Variants in NAA15 observed in about 807,000 individuals in gnomAD.
The protein encoded by NAA15 is N-alpha-acetyltransferase 15, NatA auxiliary subunit.
Under a neutral mutation model 114.0 loss-of-function variants are expected in NAA15, and 34 were observed. The observed-to-expected ratio is 0.30, with a 90% CI of 0.23 to 0.40. NAA15 has a LOEUF of 0.40. NAA15 is among the 10% of genes least tolerant of loss of function. NAA15 has a pLI of 1.00. For synonymous variants in NAA15, 340 were observed against 338.0 expected, an observed-to-expected ratio of 1.01 and a Z score of -0.06; for missense variants, 658 against 1,004.5, an observed-to-expected ratio of 0.66 and a Z score of 4.66.
At chr4:139,347,380 C>G (rs1747620045) in intron 6 of NAA15, among the ~76,000 whole-genome samples, 1 of 152,034 alleles carries the variant, frequency 6.6e-6, no homozygotes, top group Non-Finnish European at 1.5e-5. Context: ...GTCTGTAATC[C>G]CAGCACTTTG....
chr4:139,386,928 T>C (rs1355102294), intron 19 of NAA15, among the ~76,000 whole-genome samples: 2 of 152,232 alleles, frequency 1.3e-5, no homozygotes, highest in Non-Finnish European at 2.9e-5. Flanking sequence ...GGGTGTATTG[T>C]AAAATACTGT....
At chr4:139,326,960 G>GTC (rs922799197) in intron 1 of NAA15, among the ~76,000 whole-genome samples, 8 of 151,968 alleles carry the variant, frequency 5.3e-5, no homozygotes, top group Non-Finnish European at 1.2e-4. Context: ...TTGAAACAGA[G>GTC]TCTCTCTGTG....
chr4:139,361,255 T>C (rs1748123818), intron 13 of NAA15, among the ~76,000 whole-genome samples: 1 of 152,166 alleles, frequency 6.6e-6, no homozygotes, highest in African/African-American at 2.4e-5. Context: ...ACTTGCTAAT[T>C]GATTTCTTTT....
At chr4:139,330,016 T>C (rs552758794) in intron 1 of NAA15, among the ~76,000 whole-genome samples, 1 of 152,316 alleles carries the variant, frequency 6.6e-6, no homozygotes, top group East Asian at 1.9e-4. Context: ...GCACCACCTG[T>C]TGAACCTGTT....
intron 6 of NAA15, among the ~76,000 whole-genome samples, chr4:139,345,896 G>C (rs763779776): frequency 6.6e-6 from 1 of 152,028 alleles, no homozygotes; most frequent in Non-Finnish European, 1.5e-5. Flanking sequence ...ACTCCAGGCT[G>C]GGCAACAGAG....
chr4:139,323,029 G>T (rs1326753993), intron 1 of NAA15, among the ~76,000 whole-genome samples: 1 of 150,248 alleles, frequency 6.7e-6, no homozygotes, highest in African/African-American at 2.5e-5. Context: ...GATTCCTGTG[G>T]CAGATTTCTT....
rs1372786674 is a variant in NAA15 at position 139,389,440 on chromosome 4, T to C, written c.*1356T>C. Reference sequence around the variant, plus strand: ...AAGGCTAGTGCAGATGGGAGCTTTTTAGAAGGGGCTAAGTGCTGGTGTCAG... The same window carrying C: ...AAGGCTAGTGCAGATGGGAGCTTTTCAGAAGGGGCTAAGTGCTGGTGTCAG... On this transcript the variant is annotated 3_prime_UTR_variant, in exon 20 of 20. Coordinates refer to ENST00000296543, the MANE Select transcript of NAA15 (RefSeq NM_057175.5). The C allele has an allele frequency of 6.6e-6, 1 of 152,596 alleles. No homozygotes were observed. Among genetic ancestry groups the C allele is most frequent in the Non-Finnish European group, 1.5e-5 (1 of 68,034 alleles). The allele number at this position is 152,596 out of a possible 1,614,324, so 9.5% of individuals were successfully genotyped here.
At chr4:139,324,667 C>G (rs1428264989) in intron 1 of NAA15, among the ~76,000 whole-genome samples, 4 of 152,200 alleles carry the variant, frequency 2.6e-5, no homozygotes, top group African/African-American at 9.7e-5. Flanking sequence ...CGCAGTGGCT[C>G]ACGCCTGTAA....
intron 3 of NAA15, among the ~76,000 whole-genome samples, chr4:139,339,602 A>G (rs991748360): frequency 6.6e-6 from 1 of 151,934 alleles, no homozygotes; most frequent in Admixed American, 6.6e-5. Flanking sequence ...TACAAAAATT[A>G]TAGCTGGGCG....
chr4:139,309,967 C>G (rs944362649), intron 1 of NAA15, among the ~76,000 whole-genome samples: 1 of 152,018 alleles, frequency 6.6e-6, no homozygotes, highest in African/African-American at 2.4e-5. Context: ...TATTGGAGCG[C>G]TGGTTAATGA....
chr4:139,308,804 C>T lies in NAA15; in HGVS notation c.54+6973C>T, dbSNP rs967176929. ...CTAAGTTTTATATTTTTAGTACAGA[C>T]AGGGTTTCGCCATGTTGGCGAGGCT... On this transcript the variant is annotated intron_variant, in intron 1 of 19. Transcript: ENST00000296543. Among the ~76,000 whole-genome samples the T allele has an allele frequency of 2.0e-5, 3 of 151,904 alleles. No individual in the cohort carries two copies. In the East Asian group the frequency reaches 5.9e-4, roughly 30 times the overall value.
intron 18 of NAA15, among the ~76,000 whole-genome samples, chr4:139,385,288 AT>A (rs1748874998): frequency 5.0e-5 from 5 of 100,466 alleles, no homozygotes; most frequent in African/African-American, 1.7e-4. Context: ...TATATAATAT[AT>A]ATATATATAT....
At chr4:139,363,015 C>T (rs1748177547) in intron 14 of NAA15, among the ~76,000 whole-genome samples, 1 of 152,084 alleles carries the variant, frequency 6.6e-6, no homozygotes, top group Non-Finnish European at 1.5e-5. Flanking sequence ...CTTCCTGTTG[C>T]CTAAGGACAG....
At position 139,361,869 on chromosome 4, in the gene NAA15, T is replaced by C; in HGVS notation, c.1685T>C (p.Ile562Thr). 1 of 1,613,818 alleles carries C rather than the reference T, an allele frequency of 6.2e-7. No individual in the cohort carries two copies. Among genetic ancestry groups the C allele is most frequent in the Non-Finnish European group, 8.5e-7 (1 of 1,179,832 alleles). The stretch of plus-strand genomic sequence containing the variant: ...TACTTCAAGGCAGCAAGAATTGCTA[T>C]AGAGATCTATTTGAAGCTTCATGAC... The part of the protein sequence containing the change: ...PFYFKAARIA[I>T]EIYLKLHDNP... Residue 562 changes from isoleucine to threonine, a missense_variant, in exon 14 of 20, where the codon ATA becomes ACA. Around this residue, in one of 6 missense-constraint regions of NAA15, gnomAD observed 275 missense variants for 371.1 expected, o/e 0.74. Transcript: ENST00000296543.
chr4:139,384,670 G>C (rs1448335259), intron 17 of NAA15, among the ~76,000 whole-genome samples, 162 bp from the exon 18 acceptor site: 6 of 151,262 alleles, frequency 4.0e-5, no homozygotes, highest in Non-Finnish European at 5.9e-5. Flanking sequence ...TGGGAGGATT[G>C]CATGAGCCTG....
At chr4:139,359,330 G>A (rs1215709214) in intron 11 of NAA15, among the ~76,000 whole-genome samples, 4 of 151,884 alleles carry the variant, frequency 2.6e-5, no homozygotes, top group African/African-American at 9.7e-5. Context: ...GTTTCACCAT[G>A]TTGGCCAAGT....
intron 1 of NAA15, among the ~76,000 whole-genome samples, chr4:139,332,368 A>T (rs551699510): frequency 2.8e-4 from 42 of 151,116 alleles, no homozygotes; most frequent in African/African-American, 9.7e-4. Context: ...TGACCTCGTG[A>T]TCTGCCCGCC....
chr4:139,343,980 T>C (rs981423644), intron 5 of NAA15, among the ~76,000 whole-genome samples: 1 of 152,196 alleles, frequency 6.6e-6, no homozygotes, highest in Non-Finnish European at 1.5e-5. Context: ...TAAGGACTTA[T>C]GGATTATTAT....
intron 17 of NAA15, among the ~76,000 whole-genome samples, 158 bp from the exon 18 acceptor site, chr4:139,384,674 G>C (rs1300686982): frequency 6.6e-6 from 1 of 151,290 alleles, no homozygotes; most frequent in Non-Finnish European, 1.5e-5. Flanking sequence ...AGGATTGCAT[G>C]AGCCTGGAAG....
Sources: allele counts gnomAD v4.1 joint callset (sites outside exome capture counted in the v4.1 genomes callset), GRCh38; gene constraint gnomAD v4.1.1; regional missense constraint gnomAD v4.1.1; transcripts MANE v1.5; gene names NCBI Gene and HGNC (gene_info 2026-07-23, HGNC 2026-07-21).